SLC6A2: variants seen among roughly 807,000 people sequenced by gnomAD.
SLC6A2 encodes solute carrier family 6 member 2.
A neutral mutation model predicts 71.7 loss-of-function variants in SLC6A2; 26 were observed. The observed-to-expected ratio is 0.36, with a 90% CI of 0.27 to 0.50. The LOEUF (loss-of-function observed/expected upper bound fraction) is 0.50. Among genes scored for constraint, SLC6A2 ranks in the 20% least tolerant of loss-of-function variants. The pLI is 0.96. For synonymous variants in SLC6A2, 363 were observed against 337.9 expected, an observed-to-expected ratio of 1.07 and a Z score of -0.82; for missense variants, 581 against 803.9, an observed-to-expected ratio of 0.72 and a Z score of 3.35.
At chr16:55,673,205 A>G (rs1273990959) in intron 4 of SLC6A2, among the ~76,000 whole-genome samples, 1 of 152,224 alleles carries the variant, frequency 6.6e-6, no homozygotes, top group Non-Finnish European at 1.5e-5. Context: ...TCTCATAATT[A>G]AACTGTGGTT....
At position 55,695,361 on chromosome 16, in the gene SLC6A2, C is replaced by T. The variant is rs1380271338; in HGVS notation, c.1106C>T (p.Ala369Val). The change falls in exon 8 of 15, where the codon GCC (alanine) becomes GTC (valine). Residue 369 changes from alanine (A) to valine (V), a missense_variant. By Grantham distance (64) the Ala-to-Val change is moderately conservative. Coordinates refer to ENST00000568943, the MANE Select transcript of SLC6A2 (RefSeq NM_001172501.3). Reference sequence around the variant, plus strand: ...ATCTTCTCCATCCTTGGTTACATGGCCCATGAACACAAGGTCAACATTGAG... The same window carrying T: ...ATCTTCTCCATCCTTGGTTACATGGTCCATGAACACAAGGTCAACATTGAG... ...FAIFSILGYM[A>V]HEHKVNIEDV... The T allele has an allele frequency of 6.2e-7, 1 of 1,614,176 alleles. No individual in the cohort carries two copies. Among genetic ancestry groups the T allele is most frequent in the South Asian group, 1.1e-5 (1 of 91,092 alleles).
chr16:55,680,493 G>T (rs550895674), intron 4 of SLC6A2, among the ~76,000 whole-genome samples: 6 of 152,190 alleles, frequency 3.9e-5, no homozygotes, highest in Non-Finnish European at 8.8e-5. Flanking sequence ...ATGGGAGTAA[G>T]ATGCAGGCCA....
intron 2 of SLC6A2, among the ~76,000 whole-genome samples, chr16:55,659,462 G>A (rs1192343089): frequency 1.3e-5 from 2 of 152,100 alleles, no homozygotes; most frequent in African/African-American, 4.8e-5. Context: ...AGCTGACCGA[G>A]GGCACTTTCT....
intron 9 of SLC6A2, among the ~76,000 whole-genome samples, chr16:55,696,879 G>A (rs1043567539): frequency 1.3e-5 from 2 of 152,126 alleles, no homozygotes; most frequent in African/African-American, 2.4e-5. Flanking sequence ...AGCTACTCAG[G>A]AGGCTGAGGT....
In SLC6A2 at chr16:55,684,406, T is replaced by A. The variant is rs144172039; in HGVS notation, c.645-737T>A. Among the ~76,000 whole-genome samples the A allele has an allele frequency of 4.0e-3, 607 of 152,322 alleles. 6 individuals are homozygous for A. The South Asian group carries it at 0.08, about 20-fold the overall frequency. Reference sequence around the variant, plus strand: ...GTTTGAGTACTTTGCGATTTGGGGTTATTATGAAATAATGCTGCCATAAAC... The same window carrying A: ...GTTTGAGTACTTTGCGATTTGGGGTAATTATGAAATAATGCTGCCATAAAC... On this transcript the variant is annotated intron_variant, in intron 4 of 14. Transcript: ENST00000568943.
intron 14 of SLC6A2, 151 bp downstream of exon 14, chr16:55,702,085 G>T (rs1313378852): frequency 1.3e-6 from 1 of 783,782 alleles, no homozygotes; most frequent in Non-Finnish European, 2.2e-6. Flanking sequence ...CGGGATGGGG[G>T]ACAGGGAGGC....
Position 55,696,232 on chromosome 16 carries a change from C to G in SLC6A2, c.1155C>G (p.Gly385=), listed in dbSNP as rs1175089971. 1 of 1,602,132 alleles carries G rather than the reference C, an allele frequency of 6.2e-7. No individual in the cohort carries two copies. Among genetic ancestry groups the G allele is most frequent in the East Asian group, 2.2e-5 (1 of 44,828 alleles). The change falls in exon 9 of 15, where the codon GGC becomes GGG. Residue 385 remains glycine, a synonymous_variant. Transcript: ENST00000568943. ...CCTTGATGTTTCTTACAGGAGCTGG[C>G]CTAGTGTTCATCCTGTATCCAGAGG... ...NIEDVATEGA[G]LVFILYPEAI...
intron 4 of SLC6A2, among the ~76,000 whole-genome samples, chr16:55,682,253 G>A (rs1459148323): frequency 6.6e-6 from 1 of 152,140 alleles, no homozygotes; most frequent in Admixed American, 6.5e-5. Context: ...CTCTAGTTGA[G>A]CGCAAATGCC....
Position 55,685,124 on chromosome 16 carries a change from T to TC in SLC6A2, c.645-15dup. ...CCTGACGACATTTACCCTGGTCCCC[T>TC]CCCCTCTCCTCTGGGCAGGCGTGGT... On this transcript the variant is annotated intron_variant, in intron 4 of 14. Transcript: ENST00000568943. 1 of 1,613,870 alleles carries TC rather than the reference T, an allele frequency of 6.2e-7. No homozygotes were observed. Among genetic ancestry groups the TC allele is most frequent in the Non-Finnish European group, 8.5e-7 (1 of 1,179,908 alleles).
At chr16:55,683,204 T>A (rs980524442) in intron 4 of SLC6A2, among the ~76,000 whole-genome samples, 1 of 152,332 alleles carries the variant, frequency 6.6e-6, no homozygotes, top group South Asian at 2.1e-4. Flanking sequence ...TTGATTAGAT[T>A]CTCATTAGCA....
chr16:55,675,447 T>G (rs1234596363), intron 4 of SLC6A2, among the ~76,000 whole-genome samples: 2 of 152,238 alleles, frequency 1.3e-5, no homozygotes, highest in African/African-American at 4.8e-5. Context: ...CTGTTGCATG[T>G]TCTTTGTTTT....
chr16:55,667,222 C>G (rs774987384), intron 2 of SLC6A2, among the ~76,000 whole-genome samples: 2 of 152,146 alleles, frequency 1.3e-5, no homozygotes, highest in South Asian at 2.1e-4. Context: ...ATACAGCTAT[C>G]TAACTGCCCC....
chr16:55,660,730 T>C (rs1254288901), intron 2 of SLC6A2, among the ~76,000 whole-genome samples: 2 of 152,226 alleles, frequency 1.3e-5, no homozygotes, highest in African/African-American at 4.8e-5. Flanking sequence ...ACAAGATTTA[T>C]TCCTTTCCAA....
Position 55,656,593 on chromosome 16 carries a change from A to G in SLC6A2, c.-51-51A>G. On this transcript the variant is annotated intron_variant, in intron 1 of 14. Transcript: ENST00000568943. This position sits in a 1 kb window ranked among gnomAD's most constrained non-coding sequence, Gnocchi z 4.5. Reference sequence around the variant, plus strand: ...GCTCCCGGGTGGTCTTGGGAGTTGCAAGTAGGGAGGAACGGCCGGGTAACC... The same window carrying G: ...GCTCCCGGGTGGTCTTGGGAGTTGCGAGTAGGGAGGAACGGCCGGGTAACC... 1.4e-6 allele frequency: 2 copies of G among 1,477,138 alleles called. No individual in the cohort carries two copies. The highest frequency in any genetic ancestry group is 1.9e-6 in the Non-Finnish European group (2 of 1,065,304). The allele number at this position is 1,477,138 out of a possible 1,614,324, so 91.5% of individuals were successfully genotyped here. A position where few individuals can be genotyped will look rare whatever the true frequency, so the allele number is the denominator to read the frequency against.
intron 5 of SLC6A2, among the ~76,000 whole-genome samples, chr16:55,687,122 T>C (rs1309416533): frequency 8.9e-4 from 1 of 1,122 alleles, no homozygotes; most frequent in East Asian, 0.033. Context: ...AGAGAACATA[T>C]GTGTGTGTCC....
intron 2 of SLC6A2, among the ~76,000 whole-genome samples, chr16:55,660,054 C>G (rs1424199079): frequency 3.9e-5 from 6 of 152,148 alleles, no homozygotes; most frequent in African/African-American, 1.4e-4. Context: ...GACAAATGCT[C>G]TAAAGGCCTG....
intron 3 of SLC6A2, 147 bp from the exon 4 acceptor site, chr16:55,671,791 A>C (rs1964923722): frequency 2.7e-6 from 4 of 1,469,920 alleles, no homozygotes; most frequent in Non-Finnish European, 3.6e-6. Flanking sequence ...GCGACAGGTC[A>C]CTGGTGCTGA....
intron 4 of SLC6A2, among the ~76,000 whole-genome samples, chr16:55,674,410 C>A (rs568734442): frequency 6.6e-6 from 1 of 151,912 alleles, no homozygotes; most frequent in Non-Finnish European, 1.5e-5. Flanking sequence ...TATATATGTA[C>A]CACATTTTCT....
At chr16:55,673,863 T>C (rs1448895419) in intron 4 of SLC6A2, among the ~76,000 whole-genome samples, 1 of 152,208 alleles carries the variant, frequency 6.6e-6, no homozygotes, top group Non-Finnish European at 1.5e-5. Context: ...CCCCAGCTTA[T>C]CATTCCTTCT....
Sources: gnomAD v4.1 joint callset for allele counts (sites outside exome capture counted in the v4.1 genomes callset) on GRCh38, gnomAD v4.1.1 for gene constraint, Gnocchi (gnomAD v3.1) non-coding constraint, MANE v1.5 for transcripts, NCBI Gene and HGNC (gene_info 2026-07-23, HGNC 2026-07-21) for gene names.